Variants in CCDC7 observed in about 807,000 individuals in gnomAD.
The protein encoded by CCDC7 is coiled-coil domain-containing protein 7.
Under a neutral mutation model 196.9 loss-of-function variants are expected in CCDC7, and 183 were observed. That is an observed-to-expected ratio of 0.93 (90% CI 0.82 to 1.05). CCDC7 has a LOEUF of 1.05. Ranked by LOEUF, CCDC7 falls within the 50% of genes least tolerant of loss-of-function variation. The probability of loss-of-function intolerance (pLI) is 0.00; values close to 1 mark genes in which losing one functional copy is unlikely to be tolerated. For synonymous variants in CCDC7, 525 were observed against 484.6 expected (o/e 1.08, Z -1.10); for missense variants, 1,540 against 1,482.2 (o/e 1.04, Z -0.64).
At chr10:32,777,431 C>G (rs994846120) in intron 28 of CCDC7, among the ~76,000 whole-genome samples, 3 of 152,198 alleles carry the variant, frequency 2.0e-5, no homozygotes, top group Non-Finnish European at 2.9e-5. Context: ...GGTATTTCAA[C>G]TCTTGGTTCT....
chr10:32,852,615 T>A (rs1174283508), intron 40 of CCDC7, among the ~76,000 whole-genome samples: 1 of 152,152 alleles, frequency 6.6e-6, no homozygotes, highest in African/African-American at 2.4e-5. Flanking sequence ...TTGAAACTTT[T>A]AAAAAATGTA....
At chr10:32,837,849 C>G (rs947504705) in intron 33 of CCDC7, among the ~76,000 whole-genome samples, 1 of 149,550 alleles carries the variant, frequency 6.7e-6, no homozygotes, top group African/African-American at 2.5e-5. Context: ...ACCGCATGTT[C>G]TCACTCATAG....
intron 11 of CCDC7, among the ~76,000 whole-genome samples, chr10:32,529,359 T>C (rs2049262625): frequency 6.6e-6 from 1 of 152,154 alleles, no homozygotes; most frequent in African/African-American, 2.4e-5. Context: ...CTGTTTTCCA[T>C]AGCAGTTGTA....
At chr10:32,616,764 A>G (rs1327362956) in intron 18 of CCDC7, among the ~76,000 whole-genome samples, 1 of 151,762 alleles carries the variant, frequency 6.6e-6, no homozygotes, top group African/African-American at 2.4e-5. Flanking sequence ...AATGCTTTCA[A>G]CTTTTCCTCA....
At chr10:32,689,807 T>TC (rs1243664262) in intron 23 of CCDC7, among the ~76,000 whole-genome samples, 1 of 151,978 alleles carries the variant, frequency 6.6e-6, no homozygotes, top group Non-Finnish European at 1.5e-5. Context: ...CGATCTTGGC[T>TC]CACTGCAACC....
chr10:32,781,812 A>G (rs917530413), intron 29 of CCDC7, among the ~76,000 whole-genome samples: 2 of 152,262 alleles, frequency 1.3e-5, no homozygotes, highest in African/African-American at 4.8e-5. Context: ...GACCAGTTAG[A>G]ATAGAAGACA....
chr10:32,689,079 C>G, exon 23 of CCDC7: 1 of 1,604,334 alleles, frequency 6.2e-7, no homozygotes, highest in Admixed American at 1.7e-5. Context: ...AAATGAAAAT[C>G]TTATACTTAG....
At chr10:32,631,275 G>C (rs548540315) in intron 18 of CCDC7, among the ~76,000 whole-genome samples, 1 of 152,198 alleles carries the variant, frequency 6.6e-6, no homozygotes, top group Admixed American at 6.5e-5. Flanking sequence ...TTTATAAAGG[G>C]TTTTATAGTT....
At chr10:32,813,337 A>G (rs1334769547) in intron 30 of CCDC7, among the ~76,000 whole-genome samples, 1 of 152,200 alleles carries the variant, frequency 6.6e-6, no homozygotes, top group African/African-American at 2.4e-5. Flanking sequence ...AAAATATCAA[A>G]CCACATAAAA....
rs528938100 is a variant in CCDC7 at position 32,726,555 on chromosome 10, A to G, written c.2570-179A>G. Among the ~76,000 whole-genome samples the G allele has an allele frequency of 5.3e-5, 8 of 152,226 alleles. No individual in the cohort carries two copies. The South Asian group carries it at 8.3e-4, about 16-fold the overall frequency. The stretch of plus-strand genomic sequence containing the variant: ...AGACAGCTTTTGTAACACCCATTAA[A>G]ACTATTTTCATCATTTTCATGTCAG... On this transcript the variant is annotated intron_variant, in intron 25 of 41. Transcript: ENST00000639629.
At chr10:32,685,143 CCTTT>C (rs947511148) in intron 21 of CCDC7, among the ~76,000 whole-genome samples, 3 of 150,680 alleles carry the variant, frequency 2.0e-5, no homozygotes, top group Admixed American at 6.6e-5. Context: ...TTTCTAATTT[CCTTT>C]CTTTCTTTTT....
At chr10:32,484,231 G>A (rs2040549355) in intron 8 of CCDC7, among the ~76,000 whole-genome samples, 1 of 151,940 alleles carries the variant, frequency 6.6e-6, no homozygotes, top group Admixed American at 6.6e-5. Context: ...AAGTTGTATT[G>A]CTAGGCATTT....
chr10:32,626,199 T>G (rs2064023033), intron 18 of CCDC7, among the ~76,000 whole-genome samples: 1 of 152,082 alleles, frequency 6.6e-6, no homozygotes, highest in Non-Finnish European at 1.5e-5. Context: ...TGTACAAGAG[T>G]TATCTTTTCT....
In CCDC7 at chr10:32,686,009, A is replaced by G. The variant is rs145310961; in HGVS notation, c.2162A>G (p.His721Arg). 1.1e-5 allele frequency: 18 copies of G among 1,590,030 alleles called. No homozygotes were observed. The African/African-American group carries it at 2.0e-4, about 18-fold the overall frequency. The change falls in exon 22 of 42, where the codon CAT (histidine) becomes CGT (arginine). Residue 721 changes from histidine (H) to arginine (R), a missense_variant. By Grantham distance (29) the His-to-Arg change is conservative. Transcript: ENST00000639629. ...CCAAATGAAAGGCTTGTAGTTGAGC[A>G]TCAAGAATCATTGTCAAAAACCAAA...
intron 7 of CCDC7, among the ~76,000 whole-genome samples, chr10:32,472,762 A>ATT (rs533223630): frequency 1.4e-5 from 2 of 144,498 alleles, no homozygotes; most frequent in African/African-American, 2.5e-5. Context: ...AGGCCAGCTG[A>ATT]TTTTTTTTTT....
chr10:32,847,914 A>G (rs754131648), exon 38 of CCDC7: 3 of 1,572,022 alleles, frequency 1.9e-6, no homozygotes, highest in Non-Finnish European at 2.6e-6. Context: ...AGGACTCACT[A>G]TGGTAAGAAT....
At chr10:32,602,085 A>G (rs776188733) in intron 18 of CCDC7, among the ~76,000 whole-genome samples, 67 of 152,250 alleles carry the variant, frequency 4.4e-4, no homozygotes, top group Non-Finnish European at 8.5e-4. Flanking sequence ...TTGGGTCCGC[A>G]CTACCTTTAT....
intron 9 of CCDC7, among the ~76,000 whole-genome samples, chr10:32,508,955 A>T (rs1329487616): frequency 5.6e-5 from 5 of 88,714 alleles, no homozygotes; most frequent in East Asian, 2.9e-4. Flanking sequence ...TTTTTTTTGA[A>T]ATGGAGTCTT....
chr10:32,828,595 C>T (rs1012989699), intron 32 of CCDC7, among the ~76,000 whole-genome samples: 3 of 151,802 alleles, frequency 2.0e-5, no homozygotes, highest in African/African-American at 7.3e-5. Flanking sequence ...GACTCATGCT[C>T]TTGGAATTCA....
Sources: gnomAD v4.1 joint callset for allele counts (sites outside exome capture counted in the v4.1 genomes callset) on GRCh38, gnomAD v4.1.1 for gene constraint, MANE v1.5 for transcripts, NCBI Gene and HGNC (gene_info 2026-07-23, HGNC 2026-07-21) for gene names.